The following KIAA1549 variants were observed in gnomAD, a reference collection of about 807,000 sequenced individuals.
KIAA1549 encodes KIAA1549, also known as UPF0606 protein KIAA1549.
A neutral mutation model predicts 156.4 loss-of-function variants in KIAA1549; 70 were observed. The ratio of observed to expected loss-of-function variants is 0.45; its 90% CI spans 0.37 to 0.55. The LOEUF (loss-of-function observed/expected upper bound fraction) is 0.55. Ranked by LOEUF, KIAA1549 falls within the 20% of genes least tolerant of loss-of-function variation. The probability of loss-of-function intolerance (pLI) is 0.00; values close to 1 mark genes in which losing one functional copy is unlikely to be tolerated. For synonymous variants in KIAA1549, 1,103 were observed against 1,066.4 expected, an observed-to-expected ratio of 1.03 and a Z score of -0.67; for missense variants, 2,428 against 2,540.9, an observed-to-expected ratio of 0.96 and a Z score of 0.96.
chr7:138,917,966 T>G lies in KIAA1549; in HGVS notation c.1660A>C (p.Thr554Pro). The change falls in exon 2 of 20, where the codon ACC becomes CCC. Residue 554 changes from threonine (T) to proline (P), a missense_variant. Thr to Pro is a conservative substitution (Grantham distance 38). Around this residue, in one of 5 missense-constraint regions of KIAA1549, gnomAD observed 893 missense variants for 847.9 expected, o/e 1.05. Transcript: ENST00000422774. ...AETQVTPSSV[T>P]TAFFSVITSI... ...GTGATGACCGAGAAAAATGCAGTGG[T>G]CACGCTGGATGGCGTCACTTGGGTT... The G allele has an allele frequency of 6.3e-7, 1 of 1,591,270 alleles. No homozygotes were observed. The highest frequency in any genetic ancestry group is 8.6e-7 in the Non-Finnish European group (1 of 1,168,912).
chr7:138,846,946 T>C (rs1810095079), intron 17 of KIAA1549, among the ~76,000 whole-genome samples: 1 of 152,142 alleles, frequency 6.6e-6, no homozygotes, highest in Non-Finnish European at 1.5e-5. Context: ...ACTGCTGTTG[T>C]TTTAGATTGG....
At chr7:138,848,033 C>T (rs757702827) in intron 17 of KIAA1549, among the ~76,000 whole-genome samples, 3 of 152,240 alleles carry the variant, frequency 2.0e-5, no homozygotes, top group East Asian at 3.9e-4. Context: ...GATTTTACAT[C>T]GTTATTTTGA....
intron 10 of KIAA1549, among the ~76,000 whole-genome samples, chr7:138,893,256 A>G (rs1010787481): frequency 2.6e-5 from 4 of 152,236 alleles, no homozygotes; most frequent in Admixed American, 2.0e-4. Flanking sequence ...TCTGCTGTCA[A>G]ATTAGGTGTG....
chr7:138,839,162 G>A (rs1225131925), intron 19 of KIAA1549, among the ~76,000 whole-genome samples: 1 of 152,174 alleles, frequency 6.6e-6, no homozygotes, highest in Non-Finnish European at 1.5e-5. Flanking sequence ...TTATTCTAAA[G>A]TTAATGTCTT....
intron 12 of KIAA1549, among the ~76,000 whole-genome samples, chr7:138,877,214 C>T (rs1811111210): frequency 6.6e-6 from 1 of 152,220 alleles, no homozygotes; most frequent in African/African-American, 2.4e-5. Context: ...ATAAAACAGG[C>T]CGAACATGGT....
At chr7:138,907,149 T>C (rs1812030797) in intron 5 of KIAA1549, 47 bp from the exon 6 acceptor site, 1 of 1,378,194 alleles carries the variant, frequency 7.3e-7, no homozygotes, top group Non-Finnish European at 9.5e-7. Context: ...AACATTCTGC[T>C]GAAAGCTTAA....
In KIAA1549 at chr7:138,916,728, G is replaced by A. The variant is rs763273856; in HGVS notation, c.2878+20C>T. 9.9e-6 allele frequency: 16 copies of A among 1,612,580 alleles called. No individual in the cohort carries two copies. The highest frequency in any genetic ancestry group is 5.3e-5 in the African/African-American group (4 of 74,902). On this transcript the variant is annotated intron_variant, in intron 2 of 19. Coordinates refer to ENST00000422774, the MANE Select transcript of KIAA1549 (RefSeq NM_001164665.2). Reference sequence around the variant, plus strand: ...GAAAGATTGCCCACCCCAGAGAGGCGGCAGGAAGCTGGGCCTTACCAGTTG... The same window carrying A: ...GAAAGATTGCCCACCCCAGAGAGGCAGCAGGAAGCTGGGCCTTACCAGTTG...
At chr7:138,852,830 G>A (rs1479478326) in intron 16 of KIAA1549, among the ~76,000 whole-genome samples, 1 of 152,216 alleles carries the variant, frequency 6.6e-6, no homozygotes, top group Non-Finnish European at 1.5e-5. Flanking sequence ...AAGGCAGCAC[G>A]TTCTGTTTCT....
At chr7:138,882,012 T>C (rs976124666) in intron 10 of KIAA1549, among the ~76,000 whole-genome samples, 4 of 152,168 alleles carry the variant, frequency 2.6e-5, no homozygotes, top group Non-Finnish European at 5.9e-5. Flanking sequence ...AGAAATCACA[T>C]TGGCTATGCT....
intron 5 of KIAA1549, among the ~76,000 whole-genome samples, chr7:138,907,422 C>T (rs572817193): frequency 7.2e-5 from 11 of 152,056 alleles, no homozygotes; most frequent in Non-Finnish European, 8.8e-5. Context: ...CTAGAGATTC[C>T]GTCAAACCTC....
At chr7:138,864,868 AC>A (rs1412867069) in intron 15 of KIAA1549, among the ~76,000 whole-genome samples, 19 of 152,270 alleles carry the variant, frequency 1.2e-4, no homozygotes, top group African/African-American at 3.6e-4. Flanking sequence ...CAACCACTCA[AC>A]TCTGCCTTGC....
chr7:138,975,879 C>T (rs1432814718), intron 1 of KIAA1549, among the ~76,000 whole-genome samples: 10 of 152,202 alleles, frequency 6.6e-5, no homozygotes, highest in Admixed American at 6.5e-4. Flanking sequence ...TCCCTAGTGA[C>T]TTGTAACAAC....
At chr7:138,840,082 A>T (rs1809864536) in intron 19 of KIAA1549, 51 bp downstream of exon 19, 1 of 1,509,134 alleles carries the variant, frequency 6.6e-7, no homozygotes, top group Admixed American at 2.0e-5. Context: ...GAGCCACCGC[A>T]CCTGGCCTAT....
At position 138,886,171 on chromosome 7, in the gene KIAA1549, G is replaced by A. The variant is rs1039228563; in HGVS notation, c.4033-4587C>T. The stretch of plus-strand genomic sequence containing the variant: ...CAAAGGCCAAACAGATCTAAGGAGT[G>A]ATTTTAGACAATATATTACACACAG... On this transcript the variant is annotated intron_variant, in intron 10 of 19. Coordinates refer to ENST00000422774, the MANE Select transcript of KIAA1549 (RefSeq NM_001164665.2). Among the ~76,000 whole-genome samples, 14 of 152,296 alleles carry A rather than the reference G, an allele frequency of 9.2e-5. No homozygotes were observed. The South Asian group carries it at 2.9e-3, about 32-fold the overall frequency.
intron 2 of KIAA1549, among the ~76,000 whole-genome samples, chr7:138,913,224 A>G (rs1812219388): frequency 6.6e-6 from 1 of 152,186 alleles, no homozygotes; most frequent in South Asian, 2.1e-4. Context: ...AAACCAGATG[A>G]CATCTTCCTC....
rs1809746797 is a variant in KIAA1549, at chr7:138,837,422, T to G, written c.*484A>C. On this transcript the variant is annotated 3_prime_UTR_variant, in exon 20 of 20. Coordinates refer to ENST00000422774, the MANE Select transcript of KIAA1549 (RefSeq NM_001164665.2). ...GTATTCTTGTTGTTAATGTTACTAT[T>G]AAAATAAGTTCCTATGGAGTAAAAG... 4.2e-6 allele frequency: 1 copy of G among 237,238 alleles called. No individual in the cohort carries two copies. The allele number at this position is 237,238 out of a possible 1,614,324, so 14.7% of individuals were successfully genotyped here. A position where few individuals can be genotyped will look rare whatever the true frequency, so the allele number is the denominator to read the frequency against.
chr7:138,895,958 T>C (rs1037041723), intron 9 of KIAA1549, among the ~76,000 whole-genome samples: 1 of 151,770 alleles, frequency 6.6e-6, no homozygotes, highest in Admixed American at 6.6e-5. Flanking sequence ...CTCCCCACCC[T>C]GCTGCCACAC....
At chr7:138,912,205 C>T (rs867879959) in intron 3 of KIAA1549, among the ~76,000 whole-genome samples, 167 bp downstream of exon 3, 2 of 152,154 alleles carry the variant, frequency 1.3e-5, no homozygotes, top group Admixed American at 6.5e-5. Flanking sequence ...GATGCAGTGA[C>T]GGTGGAATGG....
At chr7:138,938,604 G>A (rs1813086235) in intron 1 of KIAA1549, among the ~76,000 whole-genome samples, 1 of 152,150 alleles carries the variant, frequency 6.6e-6, no homozygotes, top group African/African-American at 2.4e-5. Flanking sequence ...ATACTAATTT[G>A]ACAAGAAACT....
Sources: allele counts gnomAD v4.1 joint callset (sites outside exome capture counted in the v4.1 genomes callset), GRCh38; gene constraint gnomAD v4.1.1; regional missense constraint gnomAD v4.1.1; transcripts MANE v1.5; gene names NCBI Gene and HGNC (gene_info 2026-07-23, HGNC 2026-07-21).